Variants in SLC5A9 observed in about 807,000 individuals in gnomAD.
The protein encoded by SLC5A9 is sodium/glucose cotransporter 4.
Under a neutral mutation model 70.9 loss-of-function variants are expected in SLC5A9, and 59 were observed. The ratio of observed to expected loss-of-function variants is 0.83; its 90% CI spans 0.68 to 1.03. The LOEUF (loss-of-function observed/expected upper bound fraction) is 1.03. Ranked by LOEUF, SLC5A9 falls within the 50% of genes least tolerant of loss-of-function variation. The pLI is 0.00. For missense variants in SLC5A9, 832 were observed against 881.1 expected (o/e 0.94, Z 0.71); for synonymous variants, 340 against 346.5 (o/e 0.98, Z 0.21).
In SLC5A9 at chr1:48,239,250, A is replaced by C; in HGVS notation, c.1462-72A>C. On this transcript the variant is annotated intron_variant, in intron 11 of 13. Coordinates refer to ENST00000438567, the MANE Select transcript of SLC5A9 (RefSeq NM_001011547.3). This position sits in a 1 kb window ranked among gnomAD's most constrained non-coding sequence, Gnocchi z 4.2. The stretch of plus-strand genomic sequence containing the variant: ...AAACCAGTGGGAGAGAGATTTGGGG[A>C]GAGAGTAGTTTTACCTTCCTAGGGT... 2.8e-6 allele frequency: 3 copies of C among 1,078,346 alleles called. No individual in the cohort carries two copies. Among genetic ancestry groups the C allele is most frequent in the Non-Finnish European group, 2.7e-6 (2 of 731,526 alleles). 66.8% of individuals were successfully genotyped at this position (1,078,346 alleles called of 1,614,324 possible). A position where few individuals can be genotyped will look rare whatever the true frequency, so the allele number is the denominator to read the frequency against.
chr1:48,229,524 C>A, intron 4 of SLC5A9, 65 bp downstream of exon 4: 4 of 1,586,372 alleles, frequency 2.5e-6, no homozygotes, highest in East Asian at 2.2e-5. Context: ...CTGAGTGCAT[C>A]ACCATGTGCG....
At chr1:48,236,391 C>T (rs1428032493) in intron 10 of SLC5A9, among the ~76,000 whole-genome samples, 2 of 152,204 alleles carry the variant, frequency 1.3e-5, no homozygotes, top group Non-Finnish European at 2.9e-5. Context: ...ACAGGTAACA[C>T]AGCAAGGTAT....
chr1:48,225,778 ACT>A (rs1011343047), intron 2 of SLC5A9, among the ~76,000 whole-genome samples: 1 of 151,718 alleles, frequency 6.6e-6, no homozygotes, highest in African/African-American at 2.4e-5. Context: ...TCTCTCACGC[ACT>A]CACACTCTCA....
Position 48,222,802 on chromosome 1 carries a change from T to G in SLC5A9, c.66T>G (p.Ala22=), listed in dbSNP as rs748199502. Residue 22 remains alanine (A), a synonymous_variant, in exon 1 of 14, where the codon GCT becomes GCG. Coordinates refer to ENST00000438567, the MANE Select transcript of SLC5A9 (RefSeq NM_001011547.3). ...ASGDGVRTET[A]PHIALDSRVG... is the part of the protein sequence containing the mutation. ...GGGACGGGGTCAGGACTGAGACAGC[T>G]CCACACATAGCACTGGACTCCAGAG... 4.0e-5 allele frequency: 65 copies of G among 1,614,000 alleles called. No homozygotes were observed. Among genetic ancestry groups the G allele is most frequent in the Non-Finnish European group, 5.3e-5 (63 of 1,180,020 alleles).
intron 13 of SLC5A9, among the ~76,000 whole-genome samples, 187 bp from the exon 14 acceptor site, chr1:48,247,148 A>C (rs1644468570): frequency 6.6e-6 from 1 of 152,184 alleles, no homozygotes; most frequent in South Asian, 2.1e-4. Flanking sequence ...CTCAGCACCC[A>C]GTCTGTGGTT....
chr1:48,241,767 C>T (rs868011652), intron 12 of SLC5A9, among the ~76,000 whole-genome samples: 3 of 152,092 alleles, frequency 2.0e-5, no homozygotes, highest in Middle Eastern at 3.4e-3. Flanking sequence ...CCTTCTTTCA[C>T]CAGCACTAAT....
At position 48,222,892 on chromosome 1, in the gene SLC5A9, G is replaced by GA; in HGVS notation, c.157dup (p.Ile53AsnfsTer118). The stretch of plus-strand genomic sequence containing the variant: ...ACTTTGTCTTCGTCATTGCTGTGGG[G>GA]ATCTGGGTAAGTGGGCCCTGAGGCT... On this transcript the variant is annotated frameshift_variant, in exon 1 of 14. Coordinates refer to ENST00000438567, the MANE Select transcript of SLC5A9 (RefSeq NM_001011547.3). LOFTEE classifies it high-confidence loss of function. 1 of 1,614,018 alleles carries GA rather than the reference G, an allele frequency of 6.2e-7. No individual in the cohort carries two copies. The highest frequency in any genetic ancestry group is 8.5e-7 in the Non-Finnish European group (1 of 1,179,952).
chr1:48,232,233 G>C (rs1644259667), intron 7 of SLC5A9, 82 bp downstream of exon 7: 11 of 1,559,564 alleles, frequency 7.1e-6, no homozygotes, highest in Non-Finnish European at 8.7e-6. Context: ...TGGATGCATA[G>C]AGGGTTGGAC....
chr1:48,232,310 TG>T (rs1644260520), intron 7 of SLC5A9, 56 bp from the exon 8 acceptor site: 4 of 1,599,062 alleles, frequency 2.5e-6, no homozygotes, highest in Non-Finnish European at 2.6e-6. Flanking sequence ...GGCTCACCTG[TG>T]GCTTAATGAG....
chr1:48,233,514 C>T lies in SLC5A9; in HGVS notation c.1034-141C>T. On this transcript the variant is annotated intron_variant, in intron 8 of 13. Coordinates refer to ENST00000438567, the MANE Select transcript of SLC5A9 (RefSeq NM_001011547.3). ...AGAAATTTACCAAAGACCCAGACAC[C>T]ATTTGCCCCCCAACCTTGTAGACAT... 1.1e-5 allele frequency: 7 copies of T among 655,898 alleles called. No individual in the cohort carries two copies. The South Asian group carries it at 1.3e-4, about 12-fold the overall frequency. The allele number at this position is 655,898 out of a possible 1,614,324, so 40.6% of individuals were successfully genotyped here.
At chr1:48,242,428 A>G in intron 12 of SLC5A9, 29 bp from the exon 13 acceptor site, 1 of 1,559,586 alleles carries the variant, frequency 6.4e-7, no homozygotes, top group African/African-American at 1.4e-5. Flanking sequence ...CTCCAAGGCA[A>G]CTGACTCCAG....
chr1:48,229,824 A>C (rs991764469), intron 4 of SLC5A9, among the ~76,000 whole-genome samples: 3 of 152,202 alleles, frequency 2.0e-5, no homozygotes, highest in African/African-American at 7.2e-5. Context: ...ACAAACCTAG[A>C]CAGGTCAAAT....
chr1:48,239,412 G>A lies in SLC5A9; in HGVS notation c.1552G>A (p.Val518Met), dbSNP rs1339340492. The change falls in exon 12 of 14, where the codon GTG becomes ATG. Residue 518 changes from valine to methionine, a missense_variant. Transcript: ENST00000438567. This position sits in a 1 kb window ranked among gnomAD's most constrained non-coding sequence, Gnocchi z 4.2. ...ATACCCAGCGCCAGCCTGTGGGGAG[G>A]TGGACCGGAGGCCAGCAGTGCTGAA... ...FSYPAPACGE[V>M]DRRPAVLKDF... The A allele has an allele frequency of 1.2e-6, 2 of 1,614,076 alleles. No individual in the cohort carries two copies. The highest frequency in any genetic ancestry group is 1.7e-6 in the Non-Finnish European group (2 of 1,180,042).
At chr1:48,237,096 TCAA>T (rs530506768) in intron 10 of SLC5A9, among the ~76,000 whole-genome samples, 116 of 152,286 alleles carry the variant, frequency 7.6e-4, no homozygotes, top group African/African-American at 2.7e-3. Flanking sequence ...AAGTTTTTCA[TCAA>T]CAACTTCACA....
chr1:48,246,040 A>AAT (rs1644456894), intron 13 of SLC5A9, among the ~76,000 whole-genome samples: 1 of 151,826 alleles, frequency 6.6e-6, no homozygotes, highest in Non-Finnish European at 1.5e-5. Flanking sequence ...ATCTGAAAGA[A>AAT]ATATGTACAT....
intron 6 of SLC5A9, 87 bp downstream of exon 6, chr1:48,231,712 T>A: frequency 6.4e-7 from 1 of 1,559,818 alleles, no homozygotes; most frequent in Non-Finnish European, 8.7e-7. Flanking sequence ...CGATTGAAAC[T>A]TTCCAGTGCA....
intron 9 of SLC5A9, among the ~76,000 whole-genome samples, chr1:48,234,518 G>T (rs758796168): frequency 6.6e-6 from 1 of 152,148 alleles, no homozygotes; most frequent in Non-Finnish European, 1.5e-5. Flanking sequence ...CCAAGTCAGT[G>T]GCATCAGAGA....
chr1:48,231,612 C>T lies in SLC5A9; in HGVS notation c.678C>T (p.Val226=). ...QTVIMVGGAL[V]LMFLGFQDVG... ...TGATCATGGTAGGGGGAGCCCTGGT[C>T]CTCATGTTTCTGGGTAAGGAAGAGA... The change falls in exon 6 of 14, where the codon GTC becomes GTT. Residue 226 remains valine, a synonymous_variant. Transcript: ENST00000438567. The T allele has an allele frequency of 6.2e-7, 1 of 1,614,130 alleles. No individual in the cohort carries two copies. The highest frequency in any genetic ancestry group is 8.5e-7 in the Non-Finnish European group (1 of 1,179,988).
At chr1:48,233,903 A>T in intron 9 of SLC5A9, 141 bp downstream of exon 9, 1 of 661,846 alleles carries the variant, frequency 1.5e-6, no homozygotes. Flanking sequence ...CAACACATAC[A>T]CACACGTTTT....
Sources: gnomAD v4.1 joint callset for allele counts (sites outside exome capture counted in the v4.1 genomes callset) on GRCh38, gnomAD v4.1.1 for gene constraint, Gnocchi (gnomAD v3.1) non-coding constraint, MANE v1.5 for transcripts, NCBI Gene and HGNC (gene_info 2026-07-23, HGNC 2026-07-21) for gene names.